SDK2: variants seen among roughly 807,000 people sequenced by gnomAD.
SDK2 encodes protein sidekick-2.
In SDK2, 105 loss-of-function variants were observed where a neutral mutation model predicts 253.9. That is an observed-to-expected ratio of 0.41 (90% CI 0.35 to 0.49). The LOEUF is 0.49. Ranked by LOEUF, SDK2 falls within the 20% of genes least tolerant of loss-of-function variation. SDK2 has a pLI of 0.06. For synonymous variants in SDK2, 1,249 were observed against 1,234.9 expected (o/e 1.01, Z -0.24); for missense variants, 2,608 against 3,003.0 (o/e 0.87, Z 3.07).
intron 26 of SDK2, 151 bp downstream of exon 26, chr17:73,394,058 C>T (rs1421254715): frequency 3.3e-5 from 17 of 513,212 alleles, no homozygotes; most frequent in Non-Finnish European, 5.3e-5. Flanking sequence ...CTCATGGTTG[C>T]CATGGTGACC....
intron 15 of SDK2, among the ~76,000 whole-genome samples, chr17:73,419,728 CCCA>C (rs1290623208): frequency 0.078 from 1,529 of 19,664 alleles, 83 homozygotes; most frequent in African/African-American, 0.18. Flanking sequence ...ACAAAAAAAA[CCCA>C]AAAAAACTCC....
intron 2 of SDK2, among the ~76,000 whole-genome samples, chr17:73,494,723 T>C (rs1048081365): frequency 2.6e-5 from 4 of 152,256 alleles, no homozygotes; most frequent in Non-Finnish European, 1.5e-5. Context: ...CTCCCTCCCA[T>C]CTGCCACCAC....
intron 12 of SDK2, among the ~76,000 whole-genome samples, chr17:73,426,977 CG>C (rs2063288928): frequency 6.6e-6 from 1 of 151,906 alleles, no homozygotes; most frequent in Non-Finnish European, 1.5e-5. Context: ...CCCAGCTACT[CG>C]GGAGGCTGAG....
chr17:73,477,496 G>A (rs1319681695), intron 2 of SDK2, among the ~76,000 whole-genome samples: 1 of 152,266 alleles, frequency 6.6e-6, no homozygotes, highest in Non-Finnish European at 1.5e-5. Context: ...GCCCAGGCAA[G>A]TTATGGGACC....
At chr17:73,476,332 C>T (rs73349717) in intron 2 of SDK2, among the ~76,000 whole-genome samples, 20,947 of 152,150 alleles carry the variant, frequency 0.14, 2,229 homozygotes, top group African/African-American at 0.29. Flanking sequence ...TTTTTCAAGA[C>T]GGATACTCCA....
intron 1 of SDK2, among the ~76,000 whole-genome samples, chr17:73,589,510 G>A (rs1322970116): frequency 2.0e-5 from 3 of 152,232 alleles, no homozygotes; most frequent in South Asian, 4.1e-4. Flanking sequence ...TTCCAGCAGC[G>A]TGAAGCTTGG....
rs1367117107 is a variant in SDK2 at position 73,398,537 on chromosome 17, G to A, written c.3094-108C>T. Reference sequence around the variant, plus strand: ...GGAAGAAGTTGGTTCAGAACCCAGGGCTCATCTGGAGGGCACCATATGGGG... The same window carrying A: ...GGAAGAAGTTGGTTCAGAACCCAGGACTCATCTGGAGGGCACCATATGGGG... On this transcript the variant is annotated intron_variant, in intron 22 of 44. Coordinates refer to ENST00000392650, the MANE Select transcript of SDK2 (RefSeq NM_001144952.2). 26 of 900,810 alleles carry A rather than the reference G, an allele frequency of 2.9e-5. No homozygotes were observed. The African/African-American group carries it at 3.6e-4, about 13-fold the overall frequency. 55.8% of individuals were successfully genotyped at this position (900,810 alleles called of 1,614,324 possible).
At chr17:73,640,056 T>C (rs1458568828) in intron 1 of SDK2, among the ~76,000 whole-genome samples, 1 of 152,226 alleles carries the variant, frequency 6.6e-6, no homozygotes, top group Non-Finnish European at 1.5e-5. Flanking sequence ...TGGACCAATA[T>C]GCAGGTTAAC....
At chr17:73,402,373 G>T (rs1331564380) in intron 18 of SDK2, among the ~76,000 whole-genome samples, 1 of 152,230 alleles carries the variant, frequency 6.6e-6, no homozygotes. Flanking sequence ...ACCGTGCTGG[G>T]TGCTTCCCAG....
In SDK2 at chr17:73,393,593, G is replaced by A; in HGVS notation, c.3865C>T (p.His1289Tyr). The A allele has an allele frequency of 6.3e-7, 1 of 1,576,032 alleles. No individual in the cohort carries two copies. Among genetic ancestry groups the A allele is most frequent in the South Asian group, 1.2e-5 (1 of 86,104 alleles). The change falls in exon 27 of 45, where the codon CAC becomes TAC. Residue 1289 changes from histidine to tyrosine, a missense_variant. His to Tyr is a moderately conservative substitution (Grantham distance 83). Around this residue, in one of 2 missense-constraint regions of SDK2, gnomAD observed 1,505 missense variants for 1,859.1 expected, o/e 0.81. Transcript: ENST00000392650. ...FTRIGDGSPS[H>Y]PPILERTLDD... ...AGCGTCCGCTCCAGGATGGGAGGGT[G>A]GCTGGGGCTGCCGTCCCCGATGCGT...
chr17:73,334,418 A>G lies in SDK2; in HGVS notation c.*4169T>C, dbSNP rs1237518217. 1 of 152,208 alleles carries G rather than the reference A, an allele frequency of 6.6e-6. No individual in the cohort carries two copies. The highest frequency in any genetic ancestry group is 1.5e-5 in the Non-Finnish European group (1 of 68,048). 9.4% of individuals were successfully genotyped at this position (152,208 alleles called of 1,614,324 possible). On this transcript the variant is annotated 3_prime_UTR_variant, in exon 45 of 45. Coordinates refer to ENST00000392650, the MANE Select transcript of SDK2 (RefSeq NM_001144952.2). ...AAAAGTTTATTTATAAAATACTGAC[A>G]GTTTGACAGGACACGGGACTTCTTG... is the stretch of plus-strand genomic sequence containing the variant.
rs749307082 is a variant in SDK2 at position 73,361,457 on chromosome 17, G to A, written c.5467+227C>T. Among the ~76,000 whole-genome samples, 2 of 152,154 alleles carry A rather than the reference G, an allele frequency of 1.3e-5. No individual in the cohort carries two copies. The highest frequency in any genetic ancestry group is 2.9e-5 in the Non-Finnish European group (2 of 68,028). ...GGGCCTAAGTGGGAGAGGAGGGGGC[G>A]CTGCTCCAGGGTTTGTGGCTTGAGG... On this transcript the variant is annotated intron_variant, in intron 39 of 44. Coordinates refer to ENST00000392650, the MANE Select transcript of SDK2 (RefSeq NM_001144952.2). This position sits in a 1 kb window ranked among gnomAD's most constrained non-coding sequence, Gnocchi z 4.1.
chr17:73,620,851 G>A (rs1317269602), intron 1 of SDK2, among the ~76,000 whole-genome samples: 1 of 152,154 alleles, frequency 6.6e-6, no homozygotes, highest in African/African-American at 2.4e-5. Flanking sequence ...TGTTGCCAGG[G>A]GCTGGAAAGG....
chr17:73,564,072 C>T (rs1410331499), intron 1 of SDK2, among the ~76,000 whole-genome samples: 3 of 152,164 alleles, frequency 2.0e-5, no homozygotes, highest in African/African-American at 4.8e-5. Flanking sequence ...CTGTGCCCAG[C>T]CCCCAGTAAA....
rs564939276 is a variant in SDK2, at chr17:73,626,011, G to T, written c.64+18014C>A. ...GTCCTGCCAGTGGGTTAGAGAACAC[G>T]TCAGGGCTATACCCCCTTTCCGAGC... On this transcript the variant is annotated intron_variant, in intron 1 of 44. Coordinates refer to ENST00000392650, the MANE Select transcript of SDK2 (RefSeq NM_001144952.2). 3.3e-5 allele frequency among the ~76,000 whole-genome samples: 5 copies of T among 152,296 alleles called. No individual in the cohort carries two copies. In the South Asian group the frequency reaches 1.0e-3, roughly 32 times the overall value.
At chr17:73,593,590 C>A (rs1328660101) in intron 1 of SDK2, among the ~76,000 whole-genome samples, 3 of 152,202 alleles carry the variant, frequency 2.0e-5, no homozygotes, top group Admixed American at 6.5e-5. Context: ...AGGGAAGGAG[C>A]AGATGGTACC....
chr17:73,406,778 G>A (rs938990830), intron 18 of SDK2, among the ~76,000 whole-genome samples: 9 of 152,154 alleles, frequency 5.9e-5, no homozygotes, highest in African/African-American at 2.2e-4. Flanking sequence ...AACTAATAGA[G>A]TATTGAGCTG....
chr17:73,610,030 G>A (rs2045953985), intron 1 of SDK2, among the ~76,000 whole-genome samples: 1 of 152,172 alleles, frequency 6.6e-6, no homozygotes, highest in Non-Finnish European at 1.5e-5. Context: ...AAATGCTTGT[G>A]CAGCCCATCA....
Position 73,391,451 on chromosome 17 carries a change from C to T in SDK2, c.3986G>A (p.Gly1329Asp). The change falls in exon 28 of 45, where the codon GGC (glycine) becomes GAC (aspartate). Residue 1329 changes from glycine to aspartate, a missense_variant. This residue lies in a region of SDK2 where 1,505 missense variants were observed against 1,859.1 expected (regional missense o/e 0.81). Transcript: ENST00000392650. ...LIWQPPAAPN[G>D]IILAYQITHR... ...GGGCAAAGGCTTACCAAGAATGATG[C>T]CATTGGGGGCGGCAGGGGGCTGCCA... 7.6e-7 allele frequency: 1 copy of T among 1,309,454 alleles called. No homozygotes were observed. The highest frequency in any genetic ancestry group is 2.8e-5 in the East Asian group (1 of 35,596). The allele number at this position is 1,309,454 out of a possible 1,614,324, so 81.1% of individuals were successfully genotyped here. A position where few individuals can be genotyped will look rare whatever the true frequency, so the allele number is the denominator to read the frequency against.
Sources: gnomAD v4.1 joint callset for allele counts (sites outside exome capture counted in the v4.1 genomes callset) on GRCh38, gnomAD v4.1.1 for gene constraint, gnomAD v4.1.1 regional missense constraint, Gnocchi (gnomAD v3.1) non-coding constraint, MANE v1.5 for transcripts, NCBI Gene and HGNC (gene_info 2026-07-23, HGNC 2026-07-21) for gene names.